Variants in ST6GALNAC3 observed in about 807,000 individuals in gnomAD.
ST6GALNAC3 encodes ST6 N-acetylgalactosaminide alpha-2,6-sialyltransferase 3.
A neutral mutation model predicts 32.7 loss-of-function variants in ST6GALNAC3; 25 were observed. That is an observed-to-expected ratio of 0.76 (90% CI 0.56 to 1.07). The LOEUF (loss-of-function observed/expected upper bound fraction) is 1.07. Ranked by LOEUF, ST6GALNAC3 falls within the 50% of genes least tolerant of loss-of-function variation. ST6GALNAC3 has a pLI of 0.00. For synonymous variants in ST6GALNAC3, 129 were observed against 133.1 expected (o/e 0.97, Z 0.21); for missense variants, 355 against 382.4 (o/e 0.93, Z 0.60).
chr1:76,443,795 G>T (rs1020354738), intron 3 of ST6GALNAC3, among the ~76,000 whole-genome samples: 6 of 152,202 alleles, frequency 3.9e-5, no homozygotes, highest in Non-Finnish European at 8.8e-5. Flanking sequence ...TAGCCTTCTA[G>T]TCTTGCCTTA....
chr1:76,412,604 TC>T (rs1245780555), intron 3 of ST6GALNAC3, among the ~76,000 whole-genome samples, 187 bp downstream of exon 3: 2 of 152,138 alleles, frequency 1.3e-5, no homozygotes, highest in Non-Finnish European at 2.9e-5. Flanking sequence ...TACCTCCTGT[TC>T]TTTCCATTCT....
intron 3 of ST6GALNAC3, among the ~76,000 whole-genome samples, chr1:76,447,185 C>T (rs1424470930): frequency 6.6e-6 from 1 of 152,136 alleles, no homozygotes; most frequent in Non-Finnish European, 1.5e-5. Context: ...TTGTTGGGAA[C>T]TGGACTGAAA....
At chr1:76,529,723 C>T (rs1364058491) in intron 3 of ST6GALNAC3, among the ~76,000 whole-genome samples, 4 of 152,090 alleles carry the variant, frequency 2.6e-5, no homozygotes, top group Non-Finnish European at 4.4e-5. Flanking sequence ...CAAAATATTA[C>T]AGGAAGATTG....
intron 1 of ST6GALNAC3, among the ~76,000 whole-genome samples, chr1:76,141,401 T>G (rs1650311566): frequency 6.6e-6 from 1 of 152,150 alleles, no homozygotes; most frequent in Admixed American, 6.5e-5. Flanking sequence ...CTAATATTCT[T>G]CCAGCCAAAC....
chr1:76,279,495 G>C (rs908748481), intron 1 of ST6GALNAC3, among the ~76,000 whole-genome samples: 2 of 152,194 alleles, frequency 1.3e-5, no homozygotes, highest in African/African-American at 2.4e-5. Context: ...CTTCGCGGGT[G>C]GGGGGAATGT....
intron 1 of ST6GALNAC3, among the ~76,000 whole-genome samples, chr1:76,192,682 A>G (rs1202928146): frequency 3.3e-5 from 5 of 152,172 alleles, no homozygotes; most frequent in Non-Finnish European, 7.3e-5. Flanking sequence ...ATTCACAGGT[A>G]TGTTCTTCTC....
At chr1:76,079,480 G>A (rs554528911) in intron 1 of ST6GALNAC3, among the ~76,000 whole-genome samples, 1 of 152,220 alleles carries the variant, frequency 6.6e-6, no homozygotes, top group Admixed American at 6.5e-5. Context: ...TATTGGAAGT[G>A]GACATTGAGT....
intron 2 of ST6GALNAC3, among the ~76,000 whole-genome samples, chr1:76,351,318 GAA>G (rs940087614): frequency 6.6e-6 from 1 of 151,982 alleles, no homozygotes; most frequent in African/African-American, 2.4e-5. Context: ...TATCCTTTTG[GAA>G]ATATTTCATT....
intron 1 of ST6GALNAC3, among the ~76,000 whole-genome samples, chr1:76,169,644 TG>T (rs1652349039): frequency 2.6e-5 from 4 of 152,160 alleles, no homozygotes; most frequent in Admixed American, 2.6e-4. Flanking sequence ...TCAGACATTT[TG>T]TTCATTCATT....
intron 1 of ST6GALNAC3, among the ~76,000 whole-genome samples, chr1:76,099,680 C>G (rs2100771321): frequency 6.6e-6 from 1 of 152,198 alleles, no homozygotes; most frequent in South Asian, 2.1e-4. Flanking sequence ...ATGAAGTGGG[C>G]AGATTAGTGG....
intron 3 of ST6GALNAC3, among the ~76,000 whole-genome samples, chr1:76,486,670 T>A (rs189350123): frequency 6.6e-6 from 1 of 152,196 alleles, no homozygotes; most frequent in Non-Finnish European, 1.5e-5. Flanking sequence ...GAGTCTTGAC[T>A]CTTTATCCAA....
At chr1:76,514,529 C>T (rs569666114) in intron 3 of ST6GALNAC3, among the ~76,000 whole-genome samples, 8 of 152,038 alleles carry the variant, frequency 5.3e-5, no homozygotes, top group Non-Finnish European at 1.0e-4. Context: ...CTCACTCTCT[C>T]AGGAGTGGAC....
At chr1:76,577,162 G>T in intron 3 of ST6GALNAC3, 2 of 1,033,730 alleles carry the variant, frequency 1.9e-6, no homozygotes, top group South Asian at 3.6e-5. Flanking sequence ...GTTTTGATCA[G>T]TTTTTGTTTT....
intron 3 of ST6GALNAC3, among the ~76,000 whole-genome samples, chr1:76,528,776 A>G (rs1181247466): frequency 6.6e-6 from 1 of 151,592 alleles, no homozygotes; most frequent in Non-Finnish European, 1.5e-5. Context: ...GAGCAAGAAT[A>G]TCTTTGTTCA....
chr1:76,153,089 T>A (rs1007051875), intron 1 of ST6GALNAC3, among the ~76,000 whole-genome samples: 1 of 152,176 alleles, frequency 6.6e-6, no homozygotes, highest in African/African-American at 2.4e-5. Flanking sequence ...TTTGCTCCTT[T>A]TAATAGTGGT....
At chr1:76,142,075 G>T (rs185114112) in intron 1 of ST6GALNAC3, among the ~76,000 whole-genome samples, 115 of 152,268 alleles carry the variant, frequency 7.6e-4, no homozygotes, top group African/African-American at 2.6e-3. Flanking sequence ...GCTGGGCCTT[G>T]GGGGATGGAG....
intron 2 of ST6GALNAC3, among the ~76,000 whole-genome samples, chr1:76,318,185 C>G (rs893903429): frequency 2.0e-5 from 3 of 151,650 alleles, no homozygotes; most frequent in African/African-American, 7.3e-5. Flanking sequence ...TGATGTAGAT[C>G]CATAAAAAAG....
At chr1:76,600,379 C>G (rs1163947724) in intron 3 of ST6GALNAC3, among the ~76,000 whole-genome samples, 1 of 152,008 alleles carries the variant, frequency 6.6e-6, no homozygotes. Context: ...TTAGACTAGT[C>G]TGGAAATGGG....
At chr1:76,078,301 C>T (rs192596022) in intron 1 of ST6GALNAC3, among the ~76,000 whole-genome samples, 4 of 152,228 alleles carry the variant, frequency 2.6e-5, no homozygotes, top group African/African-American at 9.6e-5. Flanking sequence ...AATAGTGACC[C>T]TCACTAAGAA....
Sources: gnomAD v4.1 joint callset for allele counts (sites outside exome capture counted in the v4.1 genomes callset) on GRCh38, gnomAD v4.1.1 for gene constraint, MANE v1.5 for transcripts, NCBI Gene and HGNC (gene_info 2026-07-23, HGNC 2026-07-21) for gene names.